EPHA2: variants seen among roughly 807,000 people sequenced by gnomAD.
EPHA2 encodes ephrin type-A receptor 2.
A neutral mutation model predicts 104.9 loss-of-function variants in EPHA2; 54 were observed. That is an observed-to-expected ratio of 0.51 (90% CI 0.41 to 0.65). The LOEUF (loss-of-function observed/expected upper bound fraction) is 0.65. EPHA2 is among the 30% of genes least tolerant of loss of function. The pLI is 0.00. For missense variants in EPHA2, 1,117 were observed against 1,369.5 expected (o/e 0.82, Z 2.91); for synonymous variants, 560 against 559.1 (o/e 1.00, Z -0.02).
chr1:16,148,947 C>T lies in EPHA2; in HGVS notation c.254G>A (p.Trp85Ter), dbSNP rs776382947. 1 of 1,614,150 alleles carries T rather than the reference C, an allele frequency of 6.2e-7. No homozygotes were observed. The highest frequency in any genetic ancestry group is 8.5e-7 in the Non-Finnish European group (1 of 1,180,052). The change falls in exon 3 of 17, where the codon TGG becomes TAG. Residue 85 changes from tryptophan to a stop codon, truncating the protein, a stop_gained. Transcript: ENST00000358432. LOFTEE classifies it high-confidence loss of function. The surrounding 1 kb of genome is among the most constrained non-coding windows in gnomAD (Gnocchi z 4.9). The stretch of plus-strand genomic sequence containing the variant: ...ACGCTCAGCCTCTCCTCGGTACACC[C>T]AGTTGGTGCGGAGCCAGTTGTCCTG... Reference protein sequence around the residue: ...GDQDNWLRTNWVYRGEAERIF... With the variant: ...GDQDNWLRTN
At chr1:16,151,041 C>T in intron 1 of EPHA2, 78 bp from the exon 2 acceptor site, 2 of 1,430,612 alleles carry the variant, frequency 1.4e-6, no homozygotes, top group Non-Finnish European at 2.0e-6. Flanking sequence ...GTGAGGATCC[C>T]TCCAGGAACC....
intron 3 of EPHA2, among the ~76,000 whole-genome samples, chr1:16,141,024 C>T (rs1465059324): frequency 6.6e-6 from 1 of 152,222 alleles, no homozygotes; most frequent in Non-Finnish European, 1.5e-5. Context: ...TGAGCCACCT[C>T]ACCGGGCCTC....
chr1:16,136,773 G>GAAGAAGAAGAAGAAGAAC (rs869033211), intron 5 of EPHA2, among the ~76,000 whole-genome samples: 15 of 146,604 alleles, frequency 1.0e-4, no homozygotes, highest in Admixed American at 1.4e-4. Flanking sequence ...AGAAGAAGAA[G>GAAGAAGAAGAAGAAGAAC]AACTAACTTT....
rs1036903948 is a variant in EPHA2, at chr1:16,144,931, C to T, written c.823+3447G>A. On this transcript the variant is annotated intron_variant, in intron 3 of 16. Transcript: ENST00000358432. Reference sequence around the variant, plus strand: ...AAGAAAGCCCTGCTTATGAGATGTCCAGCATGGTGCCTGGAATGCGGTGTC... The same window carrying T: ...AAGAAAGCCCTGCTTATGAGATGTCTAGCATGGTGCCTGGAATGCGGTGTC... Among the ~76,000 whole-genome samples the T allele has an allele frequency of 5.9e-5, 9 of 152,348 alleles. 1 individual carries two copies. In the South Asian group the frequency reaches 1.9e-3, roughly 32 times the overall value.
chr1:16,153,212 C>T, intron 1 of EPHA2: 4 of 985,432 alleles, frequency 4.1e-6, no homozygotes, highest in Non-Finnish European at 4.8e-6. Flanking sequence ...CATTGCTCCA[C>T]AGCTTCTTCC....
At position 16,134,338 on chromosome 1, in the gene EPHA2, A is replaced by C; in HGVS notation, c.1682+130T>G. 9.5e-7 allele frequency: 1 copy of C among 1,051,614 alleles called. No homozygotes were observed. The highest frequency in any genetic ancestry group is 1.4e-6 in the Non-Finnish European group (1 of 691,442). The allele number at this position is 1,051,614 out of a possible 1,614,324, so 65.1% of individuals were successfully genotyped here. A position where few individuals can be genotyped will look rare whatever the true frequency, so the allele number is the denominator to read the frequency against. On this transcript the variant is annotated intron_variant, in intron 8 of 16. Coordinates refer to ENST00000358432, the MANE Select transcript of EPHA2 (RefSeq NM_004431.5). This position sits in a 1 kb window ranked among gnomAD's most constrained non-coding sequence, Gnocchi z 4.5. ...CACACTCTAACTCGTATATCCTCGC[A>C]CCATCCGGAGGCAGGGATTAGACTC...
At chr1:16,147,979 G>T (rs992572157) in intron 3 of EPHA2, among the ~76,000 whole-genome samples, 1 of 151,286 alleles carries the variant, frequency 6.6e-6, no homozygotes, top group Non-Finnish European at 1.5e-5. Flanking sequence ...TCAAGCAATT[G>T]ATTCTCGTGC....
rs1163068045 is a variant in EPHA2, at chr1:16,150,389, G to A, written c.153+507C>T. On this transcript the variant is annotated intron_variant, in intron 2 of 16. Coordinates refer to ENST00000358432, the MANE Select transcript of EPHA2 (RefSeq NM_004431.5). This position sits in a 1 kb window ranked among gnomAD's most constrained non-coding sequence, Gnocchi z 4.8. The stretch of plus-strand genomic sequence containing the variant: ...GGCATAGAGGGGAAGACCTGGGTGA[G>A]AATGAGGCAGAGAAATGCAGCCCCC... Among the ~76,000 whole-genome samples, 1 of 152,228 alleles carries A rather than the reference G, an allele frequency of 6.6e-6. No homozygotes were observed. The highest frequency in any genetic ancestry group is 2.4e-5 in the African/African-American group (1 of 41,450).
intron 1 of EPHA2, among the ~76,000 whole-genome samples, chr1:16,155,004 C>A (rs2025124646): frequency 6.6e-6 from 1 of 152,068 alleles, no homozygotes; most frequent in Non-Finnish European, 1.5e-5. Flanking sequence ...CCCGCTGCGC[C>A]ATGAGCAAAG....
intron 3 of EPHA2, among the ~76,000 whole-genome samples, chr1:16,147,509 T>A (rs1001384762): frequency 6.6e-6 from 1 of 151,994 alleles, no homozygotes; most frequent in East Asian, 1.9e-4. Flanking sequence ...CATAGTGAGC[T>A]GATAACAGAC....
chr1:16,155,819 C>T, intron 1 of EPHA2, 29 bp downstream of exon 1: 1 of 1,389,392 alleles, frequency 7.2e-7, no homozygotes, highest in Non-Finnish European at 9.3e-7. Flanking sequence ...GGCCCGGGGG[C>T]CAGGGGTCCA....
In EPHA2 at chr1:16,135,593, G is replaced by T. The variant is rs1305642021; in HGVS notation, c.1428+62C>A. Reference sequence around the variant, plus strand: ...GCTGGGTGGTTTGGTGATCATCTATGTGACCAGCCTGTCCCCTGCTGTCGG... The same window carrying T: ...GCTGGGTGGTTTGGTGATCATCTATTTGACCAGCCTGTCCCCTGCTGTCGG... On this transcript the variant is annotated intron_variant, in intron 6 of 16. Coordinates refer to ENST00000358432, the MANE Select transcript of EPHA2 (RefSeq NM_004431.5). The surrounding 1 kb of genome is among the most constrained non-coding windows in gnomAD (Gnocchi z 4.3). 3 of 1,488,634 alleles carry T rather than the reference G, an allele frequency of 2.0e-6. No homozygotes were observed. The highest frequency in any genetic ancestry group is 2.8e-6 in the Non-Finnish European group (3 of 1,066,282). 92.2% of individuals were successfully genotyped at this position (1,488,634 alleles called of 1,614,324 possible).
At chr1:16,149,857 G>A (rs191408573) in intron 2 of EPHA2, among the ~76,000 whole-genome samples, 6 of 152,138 alleles carry the variant, frequency 3.9e-5, no homozygotes, top group East Asian at 1.9e-4. Flanking sequence ...CCCGAGAGCC[G>A]GCCTGAGACA....
chr1:16,141,216 C>T (rs981109786), intron 3 of EPHA2, among the ~76,000 whole-genome samples: 1 of 152,200 alleles, frequency 6.6e-6, no homozygotes, highest in Non-Finnish European at 1.5e-5. Context: ...TTCCCCACCA[C>T]AGATCTTCTC....
intron 2 of EPHA2, among the ~76,000 whole-genome samples, chr1:16,149,432 A>G (rs2024996790): frequency 6.6e-6 from 1 of 152,346 alleles, no homozygotes; most frequent in South Asian, 2.1e-4. Flanking sequence ...GGCTGAACAC[A>G]GTGCTTGGCA....
chr1:16,136,098 T>G (rs2024678334), intron 5 of EPHA2, among the ~76,000 whole-genome samples: 1 of 151,990 alleles, frequency 6.6e-6, no homozygotes, highest in Admixed American at 6.5e-5. Context: ...CTCAAATGCC[T>G]GAGCTCAAGC....
chr1:16,135,224 G>GAGGGC lies in EPHA2; in HGVS notation c.1429-40_1429-36dup, dbSNP rs2024660646. ...GGTGGCCGGCGGAGGAGCAGGCAGTGAGGGCAGGGCAGGGGCCTCGGCTCA... is the reference window on the plus strand; with the variant it reads ...GGTGGCCGGCGGAGGAGCAGGCAGTGAGGGCAGGGCAGGGCAGGGGCCTCGGCTCA... On this transcript the variant is annotated intron_variant, in intron 6 of 16. Transcript: ENST00000358432. This position sits in a 1 kb window ranked among gnomAD's most constrained non-coding sequence, Gnocchi z 4.3. 6.2e-7 allele frequency: 1 copy of GAGGGC among 1,612,522 alleles called. No homozygotes were observed. The highest frequency in any genetic ancestry group is 8.5e-7 in the Non-Finnish European group (1 of 1,179,818).
chr1:16,133,397 C>T (rs1341623038), intron 10 of EPHA2, 29 bp from the exon 11 acceptor site: 3 of 1,613,772 alleles, frequency 1.9e-6, no homozygotes. Context: ...AGGGGAGTGC[C>T]CTGGTCAGCC....
intron 1 of EPHA2, chr1:16,153,390 G>A (rs2025082462): frequency 3.2e-6 from 3 of 934,892 alleles, no homozygotes; most frequent in Admixed American, 1.2e-4. Flanking sequence ...AAAGGGAAAG[G>A]GGACAGAGGG....
Sources: allele counts gnomAD v4.1 joint callset (sites outside exome capture counted in the v4.1 genomes callset), GRCh38; gene constraint gnomAD v4.1.1; non-coding constraint Gnocchi (gnomAD v3.1); transcripts MANE v1.5; gene names NCBI Gene and HGNC (gene_info 2026-07-23, HGNC 2026-07-21).